The following TANC2 variants were observed in gnomAD, a reference collection of about 807,000 sequenced individuals.
TANC2 encodes the protein protein TANC2.
In TANC2, 26 loss-of-function variants were observed where a neutral mutation model predicts 210.5. The ratio of observed to expected loss-of-function variants is 0.12; its 90% CI spans 0.09 to 0.17. The LOEUF (loss-of-function observed/expected upper bound fraction) is 0.17, where lower values mean the gene tolerates loss of function less well. TANC2 is among the 10% of genes least tolerant of loss of function. The probability of loss-of-function intolerance (pLI) is 1.00; values close to 1 mark genes in which losing one functional copy is unlikely to be tolerated. For synonymous variants in TANC2, 931 were observed against 967.1 expected, an observed-to-expected ratio of 0.96 and a Z score of 0.69; for missense variants, 2,129 against 2,608.9, an observed-to-expected ratio of 0.82 and a Z score of 4.01.
intron 4 of TANC2, among the ~76,000 whole-genome samples, chr17:63,140,388 A>G (rs2039245212): frequency 6.6e-6 from 1 of 152,246 alleles, no homozygotes; most frequent in African/African-American, 2.4e-5. Context: ...TTCACCCAAC[A>G]AATGTTGGCA....
At chr17:63,139,481 A>C (rs1050852596) in intron 4 of TANC2, among the ~76,000 whole-genome samples, 21 of 152,304 alleles carry the variant, frequency 1.4e-4, no homozygotes, top group African/African-American at 5.1e-4. Context: ...CAAAAAAATT[A>C]ATCGGGCTTG....
intron 14 of TANC2, among the ~76,000 whole-genome samples, chr17:63,355,862 A>G (rs1173248331): frequency 1.3e-5 from 2 of 152,240 alleles, no homozygotes; most frequent in South Asian, 2.1e-4. Context: ...GCTAAGCTTT[A>G]TACTAGAAAA....
intron 8 of TANC2, among the ~76,000 whole-genome samples, chr17:63,260,861 C>G (rs1045355353): frequency 2.6e-5 from 4 of 151,996 alleles, no homozygotes; most frequent in African/African-American, 7.3e-5. Context: ...TCTTTTCTAT[C>G]CTGTATCATT....
At chr17:63,117,494 A>G (rs2038297266) in intron 4 of TANC2, among the ~76,000 whole-genome samples, 1 of 152,204 alleles carries the variant, frequency 6.6e-6, no homozygotes, top group Admixed American at 6.5e-5. Context: ...TCTGGATACA[A>G]AAAGAAGCAG....
chr17:63,141,459 C>T (rs779033011), intron 4 of TANC2, among the ~76,000 whole-genome samples: 5 of 146,156 alleles, frequency 3.4e-5, no homozygotes, highest in Non-Finnish European at 7.5e-5. Context: ...CCCAGCTACT[C>T]CAGAGGCTGA....
Position 63,421,123 on chromosome 17 carries a change from C to T in TANC2, c.5393C>T (p.Thr1798Ile). The T allele has an allele frequency of 6.2e-7, 1 of 1,614,010 alleles. No homozygotes were observed. Among genetic ancestry groups the T allele is most frequent in the Non-Finnish European group, 8.5e-7 (1 of 1,179,896 alleles). ...CGAGGTGGCGTGAGATACAGCCAGA[C>T]ACCACAGATCGGACGCAGCCAGTCA... Residue 1798 changes from threonine to isoleucine, a missense_variant, in exon 28 of 28, where the codon ACA becomes ATA. Physicochemically the swap from Thr to Ile is moderately conservative, Grantham distance 89. Coordinates refer to ENST00000689528, the Ensembl canonical transcript of TANC2. This position sits in a 1 kb window ranked among gnomAD's most constrained non-coding sequence, Gnocchi z 6.9.
At chr17:63,286,499 C>T (rs1028501829) in intron 9 of TANC2, among the ~76,000 whole-genome samples, 1 of 152,124 alleles carries the variant, frequency 6.6e-6, no homozygotes, top group African/African-American at 2.4e-5. Flanking sequence ...CTTTGTTCCT[C>T]TGTACTTAAT....
chr17:63,179,620 G>A (rs1263805805), intron 5 of TANC2, among the ~76,000 whole-genome samples: 1 of 152,074 alleles, frequency 6.6e-6, no homozygotes, highest in Non-Finnish European at 1.5e-5. Context: ...CATTTAATCA[G>A]TTGTGATCAA....
At chr17:63,371,030 T>A (rs2047252835) in intron 14 of TANC2, among the ~76,000 whole-genome samples, 1 of 152,160 alleles carries the variant, frequency 6.6e-6, no homozygotes. Context: ...TAACCCACAT[T>A]AGCCTCCGTA....
intron 13 of TANC2, 76 bp downstream of exon 13, chr17:63,351,492 A>G (rs1300852319): frequency 7.9e-7 from 1 of 1,272,278 alleles, no homozygotes; most frequent in Non-Finnish European, 1.1e-6. Flanking sequence ...TCTAGGTCCT[A>G]GTTTCATAAA....
At chr17:63,252,927 T>C (rs1183702910) in intron 8 of TANC2, among the ~76,000 whole-genome samples, 2 of 152,198 alleles carry the variant, frequency 1.3e-5, no homozygotes, top group Non-Finnish European at 2.9e-5. Flanking sequence ...CTATCCTGAA[T>C]AGTGCTGCAA....
intron 5 of TANC2, among the ~76,000 whole-genome samples, chr17:63,159,040 C>T (rs1306547241): frequency 6.6e-6 from 1 of 152,196 alleles, no homozygotes; most frequent in Admixed American, 6.5e-5. Context: ...CACCTTGTTT[C>T]ATGAGAGCAA....
chr17:63,293,835 A>G (rs971904342), intron 9 of TANC2, among the ~76,000 whole-genome samples: 4 of 147,418 alleles, frequency 2.7e-5, no homozygotes, highest in Non-Finnish European at 6.0e-5. Flanking sequence ...AACCTCTTGG[A>G]CTCAAGCTAT....
At chr17:63,121,569 A>G (rs2038479584) in intron 4 of TANC2, among the ~76,000 whole-genome samples, 1 of 152,116 alleles carries the variant, frequency 6.6e-6, no homozygotes, top group African/African-American at 2.4e-5. Context: ...GAAACCTGGA[A>G]ATTTCTTGCA....
In TANC2 at chr17:63,411,670, A is replaced by G. The variant is rs771568324; in HGVS notation, c.3749A>G (p.Tyr1250Cys). 22 of 1,612,750 alleles carry G rather than the reference A, an allele frequency of 1.4e-5. No individual in the cohort carries two copies. Among genetic ancestry groups the G allele is most frequent in the African/African-American group, 2.7e-5 (2 of 74,902 alleles). Reference sequence around the variant, plus strand: ...ACCCCACTGGATCTGGCAGCTTTCTATGGCGATGCTGAGGTGGTAAGTACC... The same window carrying G: ...ACCCCACTGGATCTGGCAGCTTTCTGTGGCGATGCTGAGGTGGTAAGTACC... Residue 1250 changes from tyrosine (Y) to cysteine (C), a missense_variant, in exon 22 of 28, where the codon TAT becomes TGT. Around this residue, in one of 5 missense-constraint regions of TANC2, gnomAD observed 644 missense variants for 937.5 expected, o/e 0.69. Transcript: ENST00000689528.
In TANC2 at chr17:62,976,801, T is replaced by C. The variant is rs2143339373; in HGVS notation, c.-24+10052T>C. 2.0e-5 allele frequency among the ~76,000 whole-genome samples: 3 copies of C among 152,336 alleles called. 1 individual carries two copies. The Middle Eastern group carries it at 0.01, about 518-fold the overall frequency. The stretch of plus-strand genomic sequence containing the variant: ...ATGCTTATACTGGTCCAAGAAAGCA[T>C]TAGGTCGTAGCTTGTTCCTCTTCCT... On this transcript the variant is annotated intron_variant, in intron 1 of 27. Transcript: ENST00000689528.
chr17:63,170,849 G>C (rs530702073), intron 5 of TANC2, among the ~76,000 whole-genome samples: 9 of 152,054 alleles, frequency 5.9e-5, no homozygotes, highest in Non-Finnish European at 1.3e-4. Context: ...ATTTGGACTT[G>C]GTACTAAATC....
At chr17:63,224,552 C>G (rs2042280905) in intron 7 of TANC2, among the ~76,000 whole-genome samples, 1 of 152,170 alleles carries the variant, frequency 6.6e-6, no homozygotes, top group African/African-American at 2.4e-5. Context: ...CCTTGCTGAT[C>G]TTTACAATAA....
chr17:63,221,699 A>G (rs1037422069), intron 7 of TANC2, among the ~76,000 whole-genome samples: 1 of 152,210 alleles, frequency 6.6e-6, no homozygotes, highest in Admixed American at 6.5e-5. Context: ...AATTAAAACC[A>G]TAATTGGATA....
Sources: gnomAD v4.1 joint callset for allele counts (sites outside exome capture counted in the v4.1 genomes callset) on GRCh38, gnomAD v4.1.1 for gene constraint, gnomAD v4.1.1 regional missense constraint, Gnocchi (gnomAD v3.1) non-coding constraint, MANE v1.5 for transcripts, NCBI Gene and HGNC (gene_info 2026-07-23, HGNC 2026-07-21) for gene names.